Variants in TEAD1 observed in about 807,000 individuals in gnomAD.
TEAD1 encodes the protein transcriptional enhancer factor TEF-1.
In TEAD1, 9 loss-of-function variants were observed where a neutral mutation model predicts 54.9. That is an observed-to-expected ratio of 0.16 (90% CI 0.10 to 0.29). The LOEUF (loss-of-function observed/expected upper bound fraction) is 0.29. Among genes scored for constraint, TEAD1 ranks in the 10% least tolerant of loss-of-function variants. The probability of loss-of-function intolerance (pLI) is 1.00; values close to 1 mark genes in which losing one functional copy is unlikely to be tolerated. For missense variants in TEAD1, 387 were observed against 535.9 expected, an observed-to-expected ratio of 0.72 and a Z score of 2.74; for synonymous variants, 200 against 187.8, an observed-to-expected ratio of 1.07 and a Z score of -0.53.
intron 3 of TEAD1, among the ~76,000 whole-genome samples, chr11:12,830,842 G>GA (rs909470212): frequency 3.7e-4 from 57 of 152,162 alleles, no homozygotes; most frequent in African/African-American, 1.3e-3. Flanking sequence ...TTTTTAAAGG[G>GA]AAAAAACAAG....
intron 2 of TEAD1, among the ~76,000 whole-genome samples, chr11:12,718,132 C>G (rs1192607997): frequency 2.0e-5 from 3 of 152,146 alleles, no homozygotes; most frequent in Admixed American, 6.5e-5. Context: ...CCGCTTATAA[C>G]CCTGTCTCCT....
intron 3 of TEAD1, among the ~76,000 whole-genome samples, chr11:12,847,584 A>G (rs1442257613): frequency 1.3e-5 from 2 of 152,222 alleles, no homozygotes; most frequent in African/African-American, 4.8e-5. Flanking sequence ...GTGTGTGTAG[A>G]GAGTGGCAGG....
At chr11:12,693,984 A>G (rs1033030009) in intron 2 of TEAD1, among the ~76,000 whole-genome samples, 17 of 152,198 alleles carry the variant, frequency 1.1e-4, no homozygotes, top group African/African-American at 4.1e-4. Flanking sequence ...CTGAGGAACA[A>G]AGGCACTTGA....
At position 12,681,490 on chromosome 11, in the gene TEAD1, G is replaced by C. The variant is rs551991735; in HGVS notation, c.-55+5929G>C. ...GCAGCTTCCTTCATGCTTAGAACTT[G>C]TGAAAGTGGAAAATGCTTCCAGAAC... On this transcript the variant is annotated intron_variant, in intron 2 of 12. Transcript: ENST00000527636. Among the ~76,000 whole-genome samples, 5 of 152,334 alleles carry C rather than the reference G, an allele frequency of 3.3e-5. No homozygotes were observed. In the South Asian group the frequency reaches 1.0e-3, roughly 32 times the overall value.
chr11:12,879,034 A>G lies in TEAD1; in HGVS notation c.331-674A>G, dbSNP rs375506618. The G allele has an allele frequency of 2.4e-5, 14 of 584,876 alleles. 1 individual carries two copies. In the South Asian group the frequency reaches 2.7e-4, roughly 11 times the overall value. 36.2% of individuals were successfully genotyped at this position (584,876 alleles called of 1,614,324 possible). A position where few individuals can be genotyped will look rare whatever the true frequency, so the allele number is the denominator to read the frequency against. On this transcript the variant is annotated intron_variant, in intron 5 of 12. Transcript: ENST00000527636. Reference sequence around the variant, plus strand: ...GGAAAAGGAGAAACCACGTACCTGTAGCATCCCCTAGGCTCCTGGCTTCAG... The same window carrying G: ...GGAAAAGGAGAAACCACGTACCTGTGGCATCCCCTAGGCTCCTGGCTTCAG...
At chr11:12,893,430 C>T (rs1351937133) in intron 9 of TEAD1, among the ~76,000 whole-genome samples, 1 of 152,176 alleles carries the variant, frequency 6.6e-6, no homozygotes, top group Non-Finnish European at 1.5e-5. Flanking sequence ...TACTGTGTTT[C>T]TAAGATGCTC....
At chr11:12,860,935 A>G (rs1362208034) in intron 3 of TEAD1, among the ~76,000 whole-genome samples, 1 of 152,192 alleles carries the variant, frequency 6.6e-6, no homozygotes, top group Non-Finnish European at 1.5e-5. Context: ...GAGAAATAGA[A>G]TCTAGCACAA....
At chr11:12,781,783 A>G (rs1486506947) in intron 3 of TEAD1, among the ~76,000 whole-genome samples, 1 of 151,762 alleles carries the variant, frequency 6.6e-6, no homozygotes, top group Non-Finnish European at 1.5e-5. Context: ...GACTCACCAT[A>G]GAGTTATTAT....
chr11:12,746,182 C>T (rs146991314), intron 2 of TEAD1, among the ~76,000 whole-genome samples: 6 of 152,100 alleles, frequency 3.9e-5, no homozygotes, highest in Admixed American at 1.3e-4. Context: ...CATTCTTGCA[C>T]GAGAGTAGCA....
At chr11:12,780,264 A>T (rs1357989462) in intron 3 of TEAD1, among the ~76,000 whole-genome samples, 3 of 145,142 alleles carry the variant, frequency 2.1e-5, no homozygotes, top group East Asian at 2.0e-4. Context: ...TTTTTTTGAG[A>T]TGGAGTTTCG....
chr11:12,821,988 G>T (rs1334420605), intron 3 of TEAD1, among the ~76,000 whole-genome samples: 1 of 23,156 alleles, frequency 4.3e-5, no homozygotes, highest in African/African-American at 1.7e-4. Flanking sequence ...TTTTGAGACA[G>T]AGTCTCTCTC....
intron 2 of TEAD1, among the ~76,000 whole-genome samples, chr11:12,687,748 T>G (rs2133819594): frequency 6.6e-6 from 1 of 152,336 alleles, no homozygotes; most frequent in South Asian, 2.1e-4. Context: ...TGTGTCTCAG[T>G]TGAGCCTTTC....
rs561140779 is a variant in TEAD1, at chr11:12,877,633, C to T, written c.331-2075C>T. Among the ~76,000 whole-genome samples the T allele has an allele frequency of 3.3e-3, 506 of 151,370 alleles. 2 individuals are homozygous for T. The highest frequency in any genetic ancestry group is 0.012 in the African/African-American group (475 of 41,252). On this transcript the variant is annotated intron_variant, in intron 5 of 12. Coordinates refer to ENST00000527636, the MANE Select transcript of TEAD1 (RefSeq NM_021961.6). ...GAGATCATGCCACTGCACTCCAGCC[C>T]GGGCAACAAGAGTGAAACTCCATCT... is the stretch of plus-strand genomic sequence containing the variant.
At chr11:12,908,443 T>A (rs1564986529) in intron 10 of TEAD1, among the ~76,000 whole-genome samples, 1 of 152,348 alleles carries the variant, frequency 6.6e-6, no homozygotes, top group East Asian at 1.9e-4. Flanking sequence ...CTAGTATCTT[T>A]CCATGTGGCC....
At chr11:12,821,831 A>G (rs1488145403) in intron 3 of TEAD1, among the ~76,000 whole-genome samples, 2 of 151,888 alleles carry the variant, frequency 1.3e-5, no homozygotes, top group East Asian at 1.9e-4. Context: ...CATTTCATGG[A>G]ACACACATGT....
chr11:12,908,502 A>C (rs1406659033), intron 10 of TEAD1, among the ~76,000 whole-genome samples: 2 of 152,066 alleles, frequency 1.3e-5, no homozygotes, highest in African/African-American at 2.4e-5. Flanking sequence ...GAGTGTAATA[A>C]ATTTTTTTCC....
At chr11:12,679,428 C>G (rs1431699171) in intron 2 of TEAD1, among the ~76,000 whole-genome samples, 1 of 152,138 alleles carries the variant, frequency 6.6e-6, no homozygotes, top group Non-Finnish European at 1.5e-5. Flanking sequence ...TCCGTCATCT[C>G]TAATGGGAAA....
intron 2 of TEAD1, among the ~76,000 whole-genome samples, chr11:12,744,474 T>C (rs1367092475): frequency 6.6e-6 from 1 of 152,218 alleles, no homozygotes; most frequent in Non-Finnish European, 1.5e-5. Context: ...CAGGAACTAT[T>C]TCTGACTGTG....
At chr11:12,786,779 A>G (rs1203830138) in intron 3 of TEAD1, among the ~76,000 whole-genome samples, 2 of 152,202 alleles carry the variant, frequency 1.3e-5, no homozygotes, top group African/African-American at 4.8e-5. Flanking sequence ...TAAGGAAGAT[A>G]TGTAAGTATG....
Sources: gnomAD v4.1 joint callset for allele counts (sites outside exome capture counted in the v4.1 genomes callset) on GRCh38, gnomAD v4.1.1 for gene constraint, MANE v1.5 for transcripts, NCBI Gene and HGNC (gene_info 2026-07-23, HGNC 2026-07-21) for gene names.